ICA1: variants seen among roughly 807,000 people sequenced by gnomAD.
ICA1 encodes the protein 69 kDa islet cell autoantigen.
ICA1 carries 40 observed loss-of-function variants against 71.0 expected under a neutral mutation model. The ratio of observed to expected loss-of-function variants is 0.56; its 90% CI spans 0.44 to 0.73. ICA1 has a LOEUF of 0.73. ICA1 is among the 30% of genes least tolerant of loss of function. The probability of loss-of-function intolerance (pLI) is 0.00; values close to 1 mark genes in which losing one functional copy is unlikely to be tolerated. For synonymous variants in ICA1, 207 were observed against 209.5 expected, an observed-to-expected ratio of 0.99 and a Z score of 0.10; for missense variants, 578 against 576.5, an observed-to-expected ratio of 1.00 and a Z score of -0.03.
intron 7 of ICA1, chr7:8,157,426 T>C: frequency 1.9e-6 from 1 of 523,084 alleles, no homozygotes; most frequent in Non-Finnish European, 3.3e-6. Flanking sequence ...CCAGAACTCA[T>C]GCTGCTCCCA....
chr7:8,194,205 T>C (rs1288931759), intron 6 of ICA1, among the ~76,000 whole-genome samples: 4 of 152,126 alleles, frequency 2.6e-5, no homozygotes, highest in African/African-American at 7.2e-5. Context: ...CATATACACA[T>C]GTGTGTGAAC....
intron 8 of ICA1, among the ~76,000 whole-genome samples, chr7:8,150,268 T>C (rs1307258952): frequency 3.3e-5 from 5 of 152,180 alleles, no homozygotes; most frequent in African/African-American, 9.7e-5. Context: ...AGTATTCGTC[T>C]TGTGATGCTG....
intron 1 of ICA1, among the ~76,000 whole-genome samples, chr7:8,248,939 T>C (rs1176462578): frequency 6.6e-6 from 1 of 152,228 alleles, no homozygotes; most frequent in Non-Finnish European, 1.5e-5. Flanking sequence ...CAACTGTCAG[T>C]CATTTTTCTT....
chr7:8,261,245 C>T (rs1812225572), intron 1 of ICA1, among the ~76,000 whole-genome samples: 1 of 152,038 alleles, frequency 6.6e-6, no homozygotes, highest in African/African-American at 2.4e-5. Flanking sequence ...AATAAGGGCG[C>T]GATACTTTTA....
chr7:8,152,669 C>CACA (rs1562701213), intron 8 of ICA1, among the ~76,000 whole-genome samples: 3 of 49,716 alleles, frequency 6.0e-5, no homozygotes, highest in Admixed American at 2.2e-4. Context: ...CCACCACCAC[C>CACA]ATTATCTCCT....
intron 6 of ICA1, among the ~76,000 whole-genome samples, chr7:8,192,715 G>A (rs1014988391): frequency 6.6e-6 from 1 of 151,294 alleles, no homozygotes; most frequent in East Asian, 1.9e-4. Flanking sequence ...ACATTTATTG[G>A]TTGGCTTTCT....
intron 6 of ICA1, among the ~76,000 whole-genome samples, chr7:8,188,344 T>C (rs577737276): frequency 2.6e-5 from 4 of 152,350 alleles, no homozygotes; most frequent in African/African-American, 7.2e-5. Context: ...CTCTCCATTC[T>C]TGTAGCATCC....
chr7:8,157,120 A>G lies in ICA1; in HGVS notation c.800T>C (p.Leu267Ser). 6.2e-7 allele frequency: 1 copy of G among 1,614,166 alleles called. No homozygotes were observed. Among genetic ancestry groups the G allele is most frequent in the Non-Finnish European group, 8.5e-7 (1 of 1,180,032 alleles). The change falls in exon 8 of 14, where the codon TTA (leucine) becomes TCA (serine). Residue 267 changes from leucine to serine, a missense_variant. Transcript: ENST00000402384. ...KGYQPYEFTTLKSLQDPMKKL... is the reference protein window; with the variant it reads ...KGYQPYEFTTSKSLQDPMKKL... Reference sequence around the variant, plus strand: ...TGGCCCCTCTAGCTTCCATACCTTTAAAGTAGTAAATTCATATGGTTGATA... The same window carrying G: ...TGGCCCCTCTAGCTTCCATACCTTTGAAGTAGTAAATTCATATGGTTGATA...
At chr7:8,194,734 A>G (rs1257143207) in intron 6 of ICA1, among the ~76,000 whole-genome samples, 1 of 152,192 alleles carries the variant, frequency 6.6e-6, no homozygotes, top group Non-Finnish European at 1.5e-5. Context: ...TTTATATAAT[A>G]AAATATTGGG....
At chr7:8,153,419 C>T (rs1035356322) in intron 8 of ICA1, among the ~76,000 whole-genome samples, 6 of 152,136 alleles carry the variant, frequency 3.9e-5, no homozygotes, top group East Asian at 1.9e-4. Context: ...GCTGCCAGCA[C>T]GCCAGATAGA....
chr7:8,175,999 C>T (rs967365875), intron 6 of ICA1, among the ~76,000 whole-genome samples: 2 of 152,148 alleles, frequency 1.3e-5, no homozygotes, highest in African/African-American at 2.4e-5. Flanking sequence ...TTATGGAGGG[C>T]CTCCTGTTTT....
chr7:8,165,391 G>A (rs1805534476), intron 6 of ICA1, among the ~76,000 whole-genome samples: 1 of 152,066 alleles, frequency 6.6e-6, no homozygotes, highest in African/African-American at 2.4e-5. Context: ...ATCTATTTTT[G>A]GTCTCCCCTC....
At chr7:8,152,568 A>C (rs1270518887) in intron 8 of ICA1, among the ~76,000 whole-genome samples, 1 of 146,562 alleles carries the variant, frequency 6.8e-6, no homozygotes, top group Non-Finnish European at 1.5e-5. Context: ...CACCACCACC[A>C]CCACCACCAT....
chr7:8,138,670 C>T (rs1427192611), intron 12 of ICA1, among the ~76,000 whole-genome samples, 170 bp downstream of exon 12: 1 of 152,192 alleles, frequency 6.6e-6, no homozygotes, highest in Non-Finnish European at 1.5e-5. Context: ...TCTACACATA[C>T]TATTTTGTGC....
At chr7:8,148,031 C>G (rs949696908) in intron 8 of ICA1, among the ~76,000 whole-genome samples, 3 of 152,028 alleles carry the variant, frequency 2.0e-5, no homozygotes, top group Admixed American at 1.3e-4. Context: ...TGTGTCGGTG[C>G]GACCTGCTAC....
chr7:8,163,725 G>C lies in ICA1; in HGVS notation c.580-5073C>G, dbSNP rs1422969699. ...CAGTGGAAGGAAAAGTGTGTGCAAG[G>C]GTTGTGGGGTGGAGGACAATAAAGC... On this transcript the variant is annotated intron_variant, in intron 6 of 13. Transcript: ENST00000402384. Among the ~76,000 whole-genome samples, 7 of 152,270 alleles carry C rather than the reference G, an allele frequency of 4.6e-5. No individual in the cohort carries two copies. In the East Asian group the frequency reaches 1.2e-3, roughly 25 times the overall value.
chr7:8,198,656 G>A (rs1273805741), intron 6 of ICA1, among the ~76,000 whole-genome samples: 1 of 152,180 alleles, frequency 6.6e-6, no homozygotes, highest in Non-Finnish European at 1.5e-5. Context: ...CATAGATCTG[G>A]AAAATATTTG....
chr7:8,133,417 C>T lies in ICA1; in HGVS notation c.1061-5275G>A, dbSNP rs376568920. On this transcript the variant is annotated intron_variant, in intron 12 of 13. Transcript: ENST00000402384. ...TAGCTGGGACTACAGGCACATGCCACCATGCCTGGCTAACTTTTAAAACTT... is the reference window on the plus strand; with the variant it reads ...TAGCTGGGACTACAGGCACATGCCATCATGCCTGGCTAACTTTTAAAACTT... Among the ~76,000 whole-genome samples, 56 of 152,298 alleles carry T rather than the reference C, an allele frequency of 3.7e-4. No individual in the cohort carries two copies. The South Asian group carries it at 0.01, about 28-fold the overall frequency.
intron 5 of ICA1, among the ~76,000 whole-genome samples, chr7:8,219,761 G>A (rs1488569339): frequency 6.6e-6 from 1 of 152,244 alleles, no homozygotes; most frequent in African/African-American, 2.4e-5. Flanking sequence ...AAACACTGGT[G>A]TGAAGGTTTG....
Sources: allele counts gnomAD v4.1 joint callset (sites outside exome capture counted in the v4.1 genomes callset), GRCh38; gene constraint gnomAD v4.1.1; transcripts MANE v1.5; gene names NCBI Gene and HGNC (gene_info 2026-07-23, HGNC 2026-07-21).